KLK7: variants seen among roughly 807,000 people sequenced by gnomAD.
KLK7 encodes the protein kallikrein related peptidase 7, also known as kallikrein-7.
Under a neutral mutation model 21.0 loss-of-function variants are expected in KLK7, and 17 were observed. The ratio of observed to expected loss-of-function variants is 0.81; its 90% CI spans 0.55 to 1.21. The LOEUF (loss-of-function observed/expected upper bound fraction) is 1.21. Among genes scored for constraint, KLK7 ranks in the 50% most tolerant of loss-of-function variants. The pLI is 0.00. For missense variants in KLK7, 330 were observed against 322.8 expected (o/e 1.02, Z -0.17); for synonymous variants, 151 against 134.6 (o/e 1.12, Z -0.85).
chr19:50,981,584 CAGAG>C (rs1202494394), intron 3 of KLK7, among the ~76,000 whole-genome samples, 179 bp downstream of exon 3: 1 of 122,584 alleles, frequency 8.2e-6, no homozygotes, highest in African/African-American at 3.3e-5. Context: ...GAGAGGGAGA[CAGAG>C]AGCCAGGGAG....
intron 5 of KLK7, among the ~76,000 whole-genome samples, chr19:50,978,045 G>C (rs894415582): frequency 9.2e-5 from 14 of 152,182 alleles, no homozygotes; most frequent in African/African-American, 3.1e-4. Flanking sequence ...GCAGGAAAGG[G>C]GGACACGATG....
chr19:50,978,743 G>A (rs1160035563), intron 5 of KLK7, among the ~76,000 whole-genome samples: 1 of 147,778 alleles, frequency 6.8e-6, no homozygotes, highest in Non-Finnish European at 1.5e-5. Flanking sequence ...GGAGAGGAGA[G>A]AGATAGAAGA....
At chr19:50,978,628 G>T (rs1333503383) in intron 5 of KLK7, among the ~76,000 whole-genome samples, 1 of 133,480 alleles carries the variant, frequency 7.5e-6, no homozygotes, top group Non-Finnish European at 1.6e-5. Flanking sequence ...AGGGGGGGAA[G>T]GTGTGGGGAG....
chr19:50,984,003 G>C, upstream of KLK7: 1 of 1,082,852 alleles, frequency 9.2e-7, no homozygotes, highest in Admixed American at 2.4e-5. Context: ...GCCGACTCTG[G>C]GACACCCCCG....
In KLK7 at chr19:50,980,402, CG is replaced by C. The variant is rs1451556284; in HGVS notation, c.306del (p.Gly103AlafsTer14). 6 of 1,613,860 alleles carry C rather than the reference CG, an allele frequency of 3.7e-6. No homozygotes were observed. Among genetic ancestry groups the C allele is most frequent in the Non-Finnish European group, 5.1e-6 (6 of 1,179,964 alleles). On this transcript the variant is annotated frameshift_variant, in exon 4 of 6. Coordinates refer to ENST00000595820, the MANE Select transcript of KLK7 (RefSeq NM_005046.4). LOFTEE classifies it high-confidence loss of function. ...RIKASKSFRH[P>X]GYSTQTHVND... Reference sequence around the variant, plus strand: ...TTAACATGGGTCTGTGTGGAGTAGCCGGGGTGGCGGAATGACTTCGAGGCCT... The same window carrying C: ...TTAACATGGGTCTGTGTGGAGTAGCCGGGTGGCGGAATGACTTCGAGGCCT...
At chr19:50,979,656 A>T in intron 5 of KLK7, 132 bp downstream of exon 5, 1 of 843,644 alleles carries the variant, frequency 1.2e-6, no homozygotes, top group Non-Finnish European at 1.8e-6. Flanking sequence ...GAGGTGGAAA[A>T]AGCTGAGGAG....
At chr19:50,978,388 CAG>C (rs1005370103) in intron 5 of KLK7, among the ~76,000 whole-genome samples, 4 of 150,556 alleles carry the variant, frequency 2.7e-5, no homozygotes, top group Non-Finnish European at 4.4e-5. Flanking sequence ...TGTGGAGAGA[CAG>C]AGAGAGTTGG....
chr19:50,979,895 C>G lies in KLK7; in HGVS notation c.499G>C (p.Asp167His). ...VTFPSDLMCV[D>H]VKLISPQDCT... The stretch of plus-strand genomic sequence containing the variant: ...TCCTGGGGGGAGATGAGCTTGACAT[C>G]CACGCACATGAGGTCAGAGGGAAAG... Residue 167 changes from aspartate to histidine, a missense_variant, in exon 5 of 6, where the codon GAT (aspartate) becomes CAT (histidine). Coordinates refer to ENST00000595820, the MANE Select transcript of KLK7 (RefSeq NM_005046.4). The G allele has an allele frequency of 6.3e-7, 1 of 1,594,718 alleles. No homozygotes were observed. The highest frequency in any genetic ancestry group is 8.5e-7 in the Non-Finnish European group (1 of 1,170,560).
intron 3 of KLK7, 71 bp from the exon 4 acceptor site, chr19:50,980,558 C>T (rs557226144): frequency 4.4e-5 from 68 of 1,532,460 alleles, no homozygotes; most frequent in East Asian, 9.5e-5. Context: ...ACCTGGGGGA[C>T]GGGGTGGGGA....
chr19:50,983,853 C>G lies in KLK7; in HGVS notation c.-61G>C, dbSNP rs944264137. 1.6e-6 allele frequency: 2 copies of G among 1,289,224 alleles called. No individual in the cohort carries two copies. The highest frequency in any genetic ancestry group is 2.0e-6 in the Non-Finnish European group (2 of 988,764). The allele number at this position is 1,289,224 out of a possible 1,614,324, so 79.9% of individuals were successfully genotyped here. A position where few individuals can be genotyped will look rare whatever the true frequency, so the allele number is the denominator to read the frequency against. On this transcript the variant is annotated splice_region_variant and 5_prime_UTR_variant, in exon 1 of 6. Transcript: ENST00000595820. Reference sequence around the variant, plus strand: ...CCCTTGATGAAGCCTCTTCTCACCTCGAGAGGATCTGATGTGATCCAAGTT... The same window carrying G: ...CCCTTGATGAAGCCTCTTCTCACCTGGAGAGGATCTGATGTGATCCAAGTT...
intron 4 of KLK7, 64 bp downstream of exon 4, chr19:50,980,176 T>G: frequency 6.5e-7 from 1 of 1,536,450 alleles, no homozygotes; most frequent in Non-Finnish European, 8.9e-7. Context: ...GCTGGGGGCC[T>G]GGACTCCTGG....
At chr19:50,983,247 C>T (rs1193230406) in intron 1 of KLK7, among the ~76,000 whole-genome samples, 1 of 58,060 alleles carries the variant, frequency 1.7e-5, no homozygotes, top group African/African-American at 8.9e-5. Context: ...GAGTCCAGGC[C>T]CCAGCCCCTC....
At chr19:50,977,902 A>G (rs1264297834) in intron 5 of KLK7, among the ~76,000 whole-genome samples, 1 of 152,196 alleles carries the variant, frequency 6.6e-6, no homozygotes, top group Non-Finnish European at 1.5e-5. Flanking sequence ...CCCTTGGCCA[A>G]TGAGACCAAT....
In KLK7 at chr19:50,977,542, A is replaced by T. The variant is rs1388556151; in HGVS notation, c.756T>A (p.His252Gln). 6.2e-7 allele frequency: 1 copy of T among 1,613,752 alleles called. No individual in the cohort carries two copies. Among genetic ancestry groups the T allele is most frequent in the East Asian group, 2.2e-5 (1 of 44,872 alleles). Residue 252 changes from histidine to glutamine, a missense_variant, in exon 6 of 6, where the codon CAT becomes CAA. Transcript: ENST00000595820. ...TKWINDTMKKHR is the reference protein window; with the variant it reads ...TKWINDTMKKQR ...TAATTAACTCAGTGTGGCGTTAGCG[A>T]TGCTTTTTCATGGTGTCATTTATCC... is the stretch of plus-strand genomic sequence containing the variant.
intron 1 of KLK7, among the ~76,000 whole-genome samples, chr19:50,983,057 A>G (rs1600113497): frequency 9.7e-5 from 3 of 30,906 alleles, no homozygotes; most frequent in South Asian, 2.0e-3. Flanking sequence ...CAGACCCAGG[A>G]GTCCAGGCCC....
chr19:50,981,714 T>G (rs575454414), intron 3 of KLK7, 53 bp downstream of exon 3: 2 of 1,499,508 alleles, frequency 1.3e-6, no homozygotes, highest in Non-Finnish European at 1.8e-6. Context: ...TCCACCCCCA[T>G]AGCGAGCTGG....
At chr19:50,979,661 G>C in intron 5 of KLK7, 127 bp downstream of exon 5, 1 of 889,300 alleles carries the variant, frequency 1.1e-6, no homozygotes, top group Non-Finnish European at 1.7e-6. Flanking sequence ...GGAAAAAGCT[G>C]AGGAGGCCAG....
At chr19:50,982,058 G>C in intron 2 of KLK7, 144 bp from the exon 3 acceptor site, 1 of 969,202 alleles carries the variant, frequency 1.0e-6, no homozygotes, top group Non-Finnish European at 1.5e-6. Context: ...GATAGGGATA[G>C]AGACAGACAG....
intron 3 of KLK7, 105 bp from the exon 4 acceptor site, chr19:50,980,592 GGACAGAGACACAGAGAGAGGAGGGGA>G (rs1217818705): frequency 8.2e-5 from 112 of 1,364,182 alleles, no homozygotes; most frequent in Non-Finnish European, 1.0e-4. Flanking sequence ...AGAGGAGGGG[GGACAGAGACACAGAGAGAGGAGGGGA>G]GACAGAGACC....
Sources: gnomAD v4.1 joint callset for allele counts (sites outside exome capture counted in the v4.1 genomes callset) on GRCh38, gnomAD v4.1.1 for gene constraint, MANE v1.5 for transcripts, NCBI Gene and HGNC (gene_info 2026-07-23, HGNC 2026-07-21) for gene names.